RGL1: variants seen among roughly 807,000 people sequenced by gnomAD.
RGL1 encodes the protein ral guanine nucleotide dissociation stimulator like 1.
RGL1 carries 24 observed loss-of-function variants against 95.2 expected under a neutral mutation model. The observed-to-expected ratio is 0.25, with a 90% CI of 0.18 to 0.35. The LOEUF (loss-of-function observed/expected upper bound fraction) is 0.35, where lower values mean the gene tolerates loss of function less well. Among genes scored for constraint, RGL1 ranks in the 10% least tolerant of loss-of-function variants. The pLI is 1.00. For missense variants in RGL1, 715 were observed against 936.3 expected, an observed-to-expected ratio of 0.76 and a Z score of 3.08; for synonymous variants, 329 against 344.9, an observed-to-expected ratio of 0.95 and a Z score of 0.51.
At chr1:183,858,007 A>G (rs1191129406) in intron 3 of RGL1, among the ~76,000 whole-genome samples, 2 of 152,200 alleles carry the variant, frequency 1.3e-5, no homozygotes, top group Non-Finnish European at 2.9e-5. Context: ...AAATGTTTCC[A>G]TGAAGTAGCT....
intron 17 of RGL1, 131 bp downstream of exon 17, chr1:183,922,467 T>C: frequency 8.5e-6 from 6 of 705,110 alleles, no homozygotes; most frequent in Non-Finnish European, 1.5e-5. Flanking sequence ...TGGTTTTTGA[T>C]AGTGCAAGGG....
At chr1:183,794,791 A>C (rs1231052973) in intron 2 of RGL1, among the ~76,000 whole-genome samples, 1 of 152,176 alleles carries the variant, frequency 6.6e-6, no homozygotes, top group Non-Finnish European at 1.5e-5. Context: ...ACACAGCCTT[A>C]ATAAAAGCTG....
intron 2 of RGL1, among the ~76,000 whole-genome samples, chr1:183,830,519 A>G (rs1663187722): frequency 6.6e-6 from 1 of 152,156 alleles, no homozygotes; most frequent in Non-Finnish European, 1.5e-5. Flanking sequence ...GTAAAAAGTC[A>G]AGTAAGTGCA....
intron 2 of RGL1, among the ~76,000 whole-genome samples, chr1:183,785,253 A>G (rs1258410311): frequency 6.6e-6 from 1 of 152,170 alleles, no homozygotes; most frequent in Non-Finnish European, 1.5e-5. Context: ...CTAATCCTTC[A>G]GGTGTATCAA....
At chr1:183,665,904 T>G (rs1333429539) in intron 1 of RGL1, among the ~76,000 whole-genome samples, 2 of 152,126 alleles carry the variant, frequency 1.3e-5, no homozygotes, top group Non-Finnish European at 2.9e-5. Flanking sequence ...CTGGTTTTTA[T>G]TATTTCATTT....
intron 4 of RGL1, among the ~76,000 whole-genome samples, chr1:183,869,086 C>G (rs1666011156): frequency 6.6e-6 from 1 of 152,068 alleles, no homozygotes; most frequent in African/African-American, 2.4e-5. Flanking sequence ...CCACTGCACT[C>G]CAGCCTGGGC....
At chr1:183,665,239 C>T (rs1422077973) in intron 1 of RGL1, among the ~76,000 whole-genome samples, 1 of 152,070 alleles carries the variant, frequency 6.6e-6, no homozygotes, top group African/African-American at 2.4e-5. Context: ...TGGGACAAAT[C>T]CCACTTGGTT....
rs1019134777 is a variant in RGL1, at chr1:183,662,571, C to G, written c.-33+26070C>G. On this transcript the variant is annotated intron_variant, in intron 1 of 18. Coordinates refer to the RGL1 transcript ENST00000304685. ...TCACTGAAATAAAAGAGGATACAAACAAATGGAAGAACATTCCATGCTCAT... is the reference window on the plus strand; with the variant it reads ...TCACTGAAATAAAAGAGGATACAAAGAAATGGAAGAACATTCCATGCTCAT... Among the ~76,000 whole-genome samples the G allele has an allele frequency of 3.8e-4, 58 of 152,200 alleles. 1 individual carries two copies. The highest frequency in any genetic ancestry group is 1.4e-3 in the African/African-American group (58 of 41,496).
At chr1:183,845,414 A>G (rs1034281556) in intron 2 of RGL1, among the ~76,000 whole-genome samples, 4 of 152,196 alleles carry the variant, frequency 2.6e-5, no homozygotes, top group African/African-American at 4.8e-5. Flanking sequence ...CTTATACTCA[A>G]ATTTTAAGCT....
chr1:183,791,726 C>T (rs568970178), intron 2 of RGL1, among the ~76,000 whole-genome samples: 17 of 152,332 alleles, frequency 1.1e-4, no homozygotes, highest in African/African-American at 3.1e-4. Context: ...AATCTCCTGT[C>T]TGAAGTATTC....
At chr1:183,925,661 C>T (rs1572614216) in intron 17 of RGL1, among the ~76,000 whole-genome samples, 1 of 152,074 alleles carries the variant, frequency 6.6e-6, no homozygotes, top group Non-Finnish European at 1.5e-5. Context: ...TGTAGATTTT[C>T]TGTTTTTTCT....
chr1:183,761,383 T>C (rs1038340080), intron 2 of RGL1, among the ~76,000 whole-genome samples: 3 of 152,230 alleles, frequency 2.0e-5, no homozygotes, highest in Admixed American at 2.0e-4. Context: ...TCCTTGCACA[T>C]CTCTGGCTCT....
At chr1:183,823,204 G>A (rs1331198114) in intron 2 of RGL1, among the ~76,000 whole-genome samples, 3 of 151,978 alleles carry the variant, frequency 2.0e-5, no homozygotes, top group Non-Finnish European at 4.4e-5. Flanking sequence ...CTGTGTTATT[G>A]TATGGAACTT....
chr1:183,906,549 A>C (rs770415409), intron 13 of RGL1, among the ~76,000 whole-genome samples: 49 of 152,196 alleles, frequency 3.2e-4, no homozygotes. Flanking sequence ...GATAGATTAC[A>C]AAAGTCTCTT....
chr1:183,903,270 CCTT>C (rs1668129191), intron 12 of RGL1, among the ~76,000 whole-genome samples: 2 of 152,150 alleles, frequency 1.3e-5, no homozygotes, highest in South Asian at 4.2e-4. Context: ...AAGGAAATGG[CCTT>C]CGTCTTCGGT....
rs192102488 is a variant in RGL1 at position 183,911,968 on chromosome 1, C to T, written c.1563-114C>T. 4.3e-3 allele frequency: 3,598 copies of T among 831,638 alleles called. 10 individuals carry two copies. Among genetic ancestry groups the T allele is most frequent in the Non-Finnish European group, 6.0e-3 (3,182 of 530,748 alleles). The allele number at this position is 831,638 out of a possible 1,614,324, so 51.5% of individuals were successfully genotyped here. A position where few individuals can be genotyped will look rare whatever the true frequency, so the allele number is the denominator to read the frequency against. ...GAATGTCCTCCTAAAATAATAATGACAGAACACACAAGACTGAAAAAACAT... is the reference window on the plus strand; with the variant it reads ...GAATGTCCTCCTAAAATAATAATGATAGAACACACAAGACTGAAAAAACAT... On this transcript the variant is annotated intron_variant, in intron 14 of 17. Transcript: ENST00000360851.
chr1:183,821,479 A>T (rs532177649), intron 2 of RGL1, among the ~76,000 whole-genome samples: 1 of 152,334 alleles, frequency 6.6e-6, no homozygotes, highest in Admixed American at 6.5e-5. Flanking sequence ...AAGTTTGAAG[A>T]TTAGTAATCT....
Position 183,888,416 on chromosome 1 carries a change from A to G in RGL1, c.952-58A>G, listed in dbSNP as rs975570544. ...GATACCTCTAAAACAGGAAACCACC[A>G]AGTCATTGTAATATTGATAGTTAAA... On this transcript the variant is annotated intron_variant, in intron 7 of 17. Transcript: ENST00000360851. 15 of 1,011,166 alleles carry G rather than the reference A, an allele frequency of 1.5e-5. No individual in the cohort carries two copies. In the Admixed American group the frequency reaches 2.5e-4, roughly 17 times the overall value. The allele number at this position is 1,011,166 out of a possible 1,614,324, so 62.6% of individuals were successfully genotyped here.
At chr1:183,763,055 C>T (rs184358149) in intron 2 of RGL1, among the ~76,000 whole-genome samples, 3 of 152,250 alleles carry the variant, frequency 2.0e-5, no homozygotes, top group Admixed American at 2.0e-4. Context: ...GAATACTATG[C>T]AGCCATAAAA....
Sources: allele counts gnomAD v4.1 joint callset (sites outside exome capture counted in the v4.1 genomes callset), GRCh38; gene constraint gnomAD v4.1.1; transcripts MANE v1.5; gene names NCBI Gene and HGNC (gene_info 2026-07-23, HGNC 2026-07-21).